The following DIAPH3 variants were observed in gnomAD, a reference collection of about 807,000 sequenced individuals.
DIAPH3 encodes the protein diaphanous related formin 3, also known as protein diaphanous homolog 3.
A neutral mutation model predicts 144.3 loss-of-function variants in DIAPH3; 117 were observed. The observed-to-expected ratio is 0.81, with a 90% confidence interval of 0.70 to 0.95. The LOEUF (loss-of-function observed/expected upper bound fraction) is 0.95. DIAPH3 is among the 40% of genes least tolerant of loss of function. DIAPH3 has a pLI of 0.00. For synonymous variants in DIAPH3, 519 were observed against 488.9 expected (o/e 1.06, Z -0.81); for missense variants, 1,421 against 1,412.7 (o/e 1.01, Z -0.09).
intron 25 of DIAPH3, among the ~76,000 whole-genome samples, chr13:59,797,484 G>C (rs2039675102): frequency 6.6e-6 from 1 of 152,084 alleles, no homozygotes; most frequent in South Asian, 2.1e-4. Context: ...AAATTTAATG[G>C]TCACAAAAGC....
rs559991017 is a variant in DIAPH3, at chr13:60,052,959, T to TAAAAAAAAAAAAAAAAAAAAAA, written c.496-10140_496-10139insTTTTTTTTTTTTTTTTTTTTTT. On this transcript the variant is annotated intron_variant, in intron 4 of 27. Coordinates refer to ENST00000400324, the MANE Select transcript of DIAPH3 (RefSeq NM_001042517.2). ...CTGGTGACAGAGCCAGACTCCCTCT[T>TAAAAAAAAAAAAAAAAAAAAAA]AAAAAAAAAAAAAAAAAAAAAGAAA... 3.0e-4 allele frequency among the ~76,000 whole-genome samples: 12 copies of TAAAAAAAAAAAAAAAAAAAAAA among 40,632 alleles called. 1 individual carries two copies. The highest frequency in any genetic ancestry group is 7.3e-4 in the African/African-American group (5 of 6,888). The allele number at this position is 40,632 out of a possible 152,430, so 26.7% of individuals were successfully genotyped here. A position where few individuals can be genotyped will look rare whatever the true frequency, so the allele number is the denominator to read the frequency against.
chr13:60,018,600 T>C (rs922390909), intron 5 of DIAPH3, among the ~76,000 whole-genome samples: 2 of 152,198 alleles, frequency 1.3e-5, no homozygotes, highest in African/African-American at 2.4e-5. Context: ...TGCCTACTCA[T>C]GTATTTTATA....
At chr13:60,133,314 A>G (rs1003764496) in intron 1 of DIAPH3, among the ~76,000 whole-genome samples, 3 of 152,100 alleles carry the variant, frequency 2.0e-5, no homozygotes, top group Non-Finnish European at 4.4e-5. Flanking sequence ...TTAGAACACA[A>G]TGTATCTGTC....
intron 15 of DIAPH3, among the ~76,000 whole-genome samples, chr13:59,973,731 G>A (rs1428134022): frequency 6.6e-6 from 1 of 152,060 alleles, no homozygotes; most frequent in African/African-American, 2.4e-5. Context: ...CATCCTGTAC[G>A]TAAATCTACA....
intron 4 of DIAPH3, among the ~76,000 whole-genome samples, chr13:60,049,721 A>G (rs768620459): frequency 2.6e-5 from 4 of 152,248 alleles, no homozygotes; most frequent in Non-Finnish European, 5.9e-5. Context: ...TACTGTTTAC[A>G]TGATGCAGAC....
chr13:59,954,923 T>A (rs1379690828), intron 17 of DIAPH3, among the ~76,000 whole-genome samples: 1 of 151,940 alleles, frequency 6.6e-6, no homozygotes, highest in East Asian at 1.9e-4. Flanking sequence ...TCCCACTAGG[T>A]CCCATCTCCA....
At chr13:59,911,557 A>G (rs913001625) in intron 20 of DIAPH3, among the ~76,000 whole-genome samples, 178 bp downstream of exon 20, 1 of 152,330 alleles carries the variant, frequency 6.6e-6, no homozygotes, top group Middle Eastern at 3.4e-3. Flanking sequence ...CAGAGTTTCA[A>G]TATATATTTT....
chr13:60,118,197 A>C lies in DIAPH3; in HGVS notation c.214-6011T>G, dbSNP rs74721887. On this transcript the variant is annotated intron_variant, in intron 2 of 27. Coordinates refer to ENST00000400324, the MANE Select transcript of DIAPH3 (RefSeq NM_001042517.2). The stretch of plus-strand genomic sequence containing the variant: ...GTAATTACACTAATAATCAGTAATG[A>C]CAGTTTAAATAAAATTAATTAAACA... Among the ~76,000 whole-genome samples the C allele has an allele frequency of 2.3e-3, 351 of 152,306 alleles. 1 individual carries two copies. The highest frequency in any genetic ancestry group is 8.0e-3 in the African/African-American group (334 of 41,574).
chr13:59,903,237 A>G (rs1325134663), intron 20 of DIAPH3, among the ~76,000 whole-genome samples: 1 of 152,216 alleles, frequency 6.6e-6, no homozygotes, highest in Non-Finnish European at 1.5e-5. Flanking sequence ...TTGATTTTGT[A>G]TCTGGACATT....
At chr13:59,710,953 C>T (rs954843657) in intron 27 of DIAPH3, among the ~76,000 whole-genome samples, 1 of 152,168 alleles carries the variant, frequency 6.6e-6, no homozygotes, top group Admixed American at 6.5e-5. Context: ...GACAAAAACA[C>T]TCAGAGGATG....
chr13:59,977,681 A>G (rs1176641637), intron 14 of DIAPH3, among the ~76,000 whole-genome samples: 1 of 151,830 alleles, frequency 6.6e-6, no homozygotes, highest in Non-Finnish European at 1.5e-5. Flanking sequence ...AAGAAATGAA[A>G]AAAGACTACA....
At chr13:59,959,469 A>G (rs1018686428) in intron 17 of DIAPH3, among the ~76,000 whole-genome samples, 5 of 152,196 alleles carry the variant, frequency 3.3e-5, no homozygotes, top group African/African-American at 1.2e-4. Context: ...GATGGGGAAG[A>G]GCAGAATGGA....
At chr13:59,918,356 C>T (rs1482310977) in intron 18 of DIAPH3, among the ~76,000 whole-genome samples, 2 of 152,018 alleles carry the variant, frequency 1.3e-5, no homozygotes, top group African/African-American at 2.4e-5. Context: ...TATCTGCAGT[C>T]TAAGCATCTA....
intron 2 of DIAPH3, among the ~76,000 whole-genome samples, chr13:60,126,963 C>G (rs1021392330): frequency 6.6e-6 from 1 of 151,248 alleles, no homozygotes; most frequent in Admixed American, 6.6e-5. Flanking sequence ...CTTAAGAAAT[C>G]AGAGAAAAAA....
At chr13:59,921,404 C>A (rs548040658) in intron 18 of DIAPH3, among the ~76,000 whole-genome samples, 1 of 150,884 alleles carries the variant, frequency 6.6e-6, no homozygotes, top group African/African-American at 2.4e-5. Context: ...ACAACTGACA[C>A]CACAAAAATA....
rs146542272 is a variant in DIAPH3 at position 60,017,897 on chromosome 13, A to G, written c.627-1752T>C. On this transcript the variant is annotated intron_variant, in intron 5 of 27. Coordinates refer to ENST00000400324, the MANE Select transcript of DIAPH3 (RefSeq NM_001042517.2). ...AAAAGTGAAGGGTTTACTCTTCACT[A>G]TCAGCGACACACAGATTATCTGTAG... Among the ~76,000 whole-genome samples the G allele has an allele frequency of 7.2e-5, 11 of 152,376 alleles. No homozygotes were observed. In the East Asian group the frequency reaches 2.1e-3, roughly 29 times the overall value.
chr13:60,138,416 G>A (rs2059345015), intron 1 of DIAPH3, among the ~76,000 whole-genome samples: 3 of 152,118 alleles, frequency 2.0e-5, no homozygotes, highest in Admixed American at 2.0e-4. Context: ...TTTAAAAACT[G>A]GACATACCTG....
At chr13:60,046,446 T>G (rs2056070633) in intron 4 of DIAPH3, among the ~76,000 whole-genome samples, 2 of 152,152 alleles carry the variant, frequency 1.3e-5, no homozygotes, top group South Asian at 4.1e-4. Context: ...CCAGTTACAA[T>G]GGCGATCATT....
intron 4 of DIAPH3, among the ~76,000 whole-genome samples, chr13:60,070,327 G>A (rs920314264): frequency 5.4e-5 from 8 of 147,536 alleles, no homozygotes; most frequent in African/African-American, 2.0e-4. Flanking sequence ...AGTCCTAAAA[G>A]CCCACTGCAG....
Sources: allele counts gnomAD v4.1 joint callset (sites outside exome capture counted in the v4.1 genomes callset), GRCh38; gene constraint gnomAD v4.1.1; transcripts MANE v1.5; gene names NCBI Gene and HGNC (gene_info 2026-07-23, HGNC 2026-07-21).